NEGR1: variants seen among roughly 807,000 people sequenced by gnomAD.
NEGR1 encodes the protein IgLON family member 4.
NEGR1 carries 10 observed loss-of-function variants against 40.9 expected under a neutral mutation model. The ratio of observed to expected loss-of-function variants is 0.24; its 90% CI spans 0.15 to 0.42. The LOEUF (loss-of-function observed/expected upper bound fraction) is 0.42. Ranked by LOEUF, NEGR1 falls within the 10% of genes least tolerant of loss-of-function variation. The pLI, the probability that NEGR1 is intolerant of heterozygous loss-of-function variation, is 1.00. For synonymous variants in NEGR1, 185 were observed against 166.8 expected (o/e 1.11, Z -0.84); for missense variants, 352 against 438.9 (o/e 0.80, Z 1.77).
chr1:71,841,525 T>C (rs1405913603), intron 2 of NEGR1, among the ~76,000 whole-genome samples: 2 of 152,116 alleles, frequency 1.3e-5, no homozygotes, highest in African/African-American at 4.8e-5. Context: ...TTTTCAGTTA[T>C]GTTTGTACAT....
intron 1 of NEGR1, among the ~76,000 whole-genome samples, chr1:72,053,265 G>A (rs541826279): frequency 6.6e-6 from 1 of 151,110 alleles, no homozygotes; most frequent in East Asian, 2.0e-4. Context: ...AATGTGGAAA[G>A]ACATTGTCAT....
At chr1:71,877,510 A>C (rs1660466534) in intron 2 of NEGR1, among the ~76,000 whole-genome samples, 1 of 152,068 alleles carries the variant, frequency 6.6e-6, no homozygotes, top group Admixed American at 6.6e-5. Context: ...TTCCTCCTCT[A>C]ATAAGAACAC....
chr1:71,825,742 C>T (rs1234299908), intron 2 of NEGR1, among the ~76,000 whole-genome samples: 3 of 151,716 alleles, frequency 2.0e-5, no homozygotes, highest in Non-Finnish European at 4.4e-5. Flanking sequence ...AAAATGGTTA[C>T]CATTCTTCCT....
At chr1:71,597,472 C>CTCTCTCTCTGTGTGTG (rs756076229) in intron 5 of NEGR1, among the ~76,000 whole-genome samples, 15 of 31,334 alleles carry the variant, frequency 4.8e-4, no homozygotes, top group East Asian at 9.7e-4. Flanking sequence ...CTCTCTCTCT[C>CTCTCTCTCTGTGTGTG]TGTGTGTGTG....
chr1:71,898,908 TA>T (rs1382797019), intron 2 of NEGR1, among the ~76,000 whole-genome samples: 1 of 94,272 alleles, frequency 1.1e-5, no homozygotes, highest in Non-Finnish European at 2.2e-5. Flanking sequence ...AATATATATA[TA>T]TTGCAAATAT....
chr1:71,597,257 T>C (rs1282138982), intron 5 of NEGR1, among the ~76,000 whole-genome samples: 2 of 151,974 alleles, frequency 1.3e-5, no homozygotes, highest in Non-Finnish European at 2.9e-5. Flanking sequence ...CCTTCTATGC[T>C]GAAAGAGAGT....
Position 71,957,565 on chromosome 1 carries a change from G to A in NEGR1, c.177-22254C>T, listed in dbSNP as rs185057892. Among the ~76,000 whole-genome samples the A allele has an allele frequency of 9.1e-3, 1,388 of 152,238 alleles. 5 individuals carry two copies. Among genetic ancestry groups the A allele is most frequent in the Non-Finnish European group, 0.014 (972 of 67,996 alleles). On this transcript the variant is annotated intron_variant, in intron 1 of 6. Transcript: ENST00000357731. ...ATGCCTATATTTCTGCAGCTGAGAG[G>A]AATATGGTATATAGCAATTAAGGCC...
At chr1:72,185,997 A>T (rs565044422) in intron 1 of NEGR1, among the ~76,000 whole-genome samples, 1 of 151,964 alleles carries the variant, frequency 6.6e-6, no homozygotes, top group Non-Finnish European at 1.5e-5. Flanking sequence ...AAAATATTAT[A>T]AAATGAGTTT....
At chr1:71,961,957 C>A (rs890023059) in intron 1 of NEGR1, among the ~76,000 whole-genome samples, 3 of 151,968 alleles carry the variant, frequency 2.0e-5, no homozygotes, top group African/African-American at 7.2e-5. Flanking sequence ...TTTTGTAAGG[C>A]TTAATGAAAT....
chr1:71,878,733 A>T (rs568057091), intron 2 of NEGR1, among the ~76,000 whole-genome samples: 1 of 152,284 alleles, frequency 6.6e-6, no homozygotes, highest in Non-Finnish European at 1.5e-5. Context: ...TATTTAAAAT[A>T]TTTGTTATGC....
chr1:71,775,942 C>G (rs185974822), intron 3 of NEGR1, among the ~76,000 whole-genome samples: 2 of 151,202 alleles, frequency 1.3e-5, no homozygotes, highest in South Asian at 4.2e-4. Context: ...GCAGTGAGAC[C>G]GGTTCGCGCC....
chr1:71,803,731 A>G (rs947853200), intron 2 of NEGR1, among the ~76,000 whole-genome samples: 1 of 152,198 alleles, frequency 6.6e-6, no homozygotes, highest in Non-Finnish European at 1.5e-5. Flanking sequence ...CCTTGATAAA[A>G]AAAAGTCTTC....
chr1:71,744,518 C>T (rs553129783), intron 3 of NEGR1, among the ~76,000 whole-genome samples: 4 of 151,916 alleles, frequency 2.6e-5, no homozygotes, highest in East Asian at 1.9e-4. Context: ...ATAAAAAGCC[C>T]GTTAGAATAA....
chr1:71,414,041 A>G lies in NEGR1; in HGVS notation c.941-6471T>C, dbSNP rs556664124. Among the ~76,000 whole-genome samples, 10 of 152,264 alleles carry G rather than the reference A, an allele frequency of 6.6e-5. No homozygotes were observed. In the South Asian group the frequency reaches 2.1e-3, roughly 32 times the overall value. ...TTTAAGATTTCTGTTGCAATCTTAG[A>G]GTTACTAAAGCTATATTAATTCTGC... On this transcript the variant is annotated intron_variant, in intron 6 of 6. Coordinates refer to ENST00000357731, the MANE Select transcript of NEGR1 (RefSeq NM_173808.3).
chr1:71,923,826 C>A (rs964806362), intron 2 of NEGR1, among the ~76,000 whole-genome samples: 1 of 152,184 alleles, frequency 6.6e-6, no homozygotes, highest in African/African-American at 2.4e-5. Flanking sequence ...TCTGACCATT[C>A]TTTTGCCTTC....
In NEGR1 at chr1:72,119,523, C is replaced by G. The variant is rs7527838; in HGVS notation, c.176+162796G>C. ...CCTGAGGTAGAAGAAAGCCACATTA[C>G]TTGTATGATACACAATACTGCATAG... On this transcript the variant is annotated intron_variant, in intron 1 of 6. Transcript: ENST00000357731. Among the ~76,000 whole-genome samples, 682 of 152,034 alleles carry G rather than the reference C, an allele frequency of 4.5e-3. 4 individuals are homozygous for G. The highest frequency in any genetic ancestry group is 7.4e-3 in the Non-Finnish European group (501 of 67,916).
chr1:71,918,376 C>T (rs1557433158), intron 2 of NEGR1, among the ~76,000 whole-genome samples: 1 of 151,750 alleles, frequency 6.6e-6, no homozygotes, highest in African/African-American at 2.4e-5. Context: ...ACGGTTTCTC[C>T]TTTGGAGTTG....
At chr1:71,648,296 A>G (rs577704360) in intron 4 of NEGR1, among the ~76,000 whole-genome samples, 39 of 151,856 alleles carry the variant, frequency 2.6e-4, no homozygotes, top group Non-Finnish European at 4.7e-4. Flanking sequence ...GGGAAACACA[A>G]TGTTTTTTTA....
chr1:72,162,694 C>T (rs1410581614), intron 1 of NEGR1, among the ~76,000 whole-genome samples: 1 of 152,058 alleles, frequency 6.6e-6, no homozygotes, highest in African/African-American at 2.4e-5. Context: ...AAACAAGCCC[C>T]CAAACCTCCA....
Sources: allele counts gnomAD v4.1 joint callset (sites outside exome capture counted in the v4.1 genomes callset), GRCh38; gene constraint gnomAD v4.1.1; transcripts MANE v1.5; gene names NCBI Gene and HGNC (gene_info 2026-07-23, HGNC 2026-07-21).